The following PCNT variants were observed in gnomAD, a reference collection of about 807,000 sequenced individuals.
PCNT encodes the protein kendrin.
PCNT carries 319 observed loss-of-function variants against 380.4 expected under a neutral mutation model. The observed-to-expected ratio is 0.84, with a 90% confidence interval of 0.77 to 0.92. The LOEUF (loss-of-function observed/expected upper bound fraction) is 0.92. PCNT is among the 40% of genes least tolerant of loss of function. PCNT has a pLI of 0.00. For synonymous variants in PCNT, 1,845 were observed against 1,735.2 expected, an observed-to-expected ratio of 1.06 and a Z score of -1.57; for missense variants, 4,400 against 4,255.3, an observed-to-expected ratio of 1.03 and a Z score of -0.95.
chr21:46,416,689 C>G lies in PCNT; in HGVS notation c.6771C>G (p.Asp2257Glu). The change falls in exon 30 of 47, where the codon GAC (aspartate) becomes GAG (glutamate). Residue 2257 changes from aspartate (D) to glutamate (E), a missense_variant. Physicochemically the swap from Asp to Glu is conservative, Grantham distance 45 (BLOSUM62 2). Coordinates refer to ENST00000359568, the MANE Select transcript of PCNT (RefSeq NM_006031.6). ...GAGCCCTGAGCCTGTGCAGTGCCGA[C>G]ACATCCCTGGGGGACAGGGCGGACA... ...HSGALSLCSA[D>E]TSLGDRADTS... 1.3e-6 allele frequency: 2 copies of G among 1,565,696 alleles called. No homozygotes were observed. The highest frequency in any genetic ancestry group is 1.7e-6 in the Non-Finnish European group (2 of 1,155,832).
chr21:46,381,665 G>C, intron 15 of PCNT, 29 bp from the exon 16 acceptor site: 1 of 1,602,706 alleles, frequency 6.2e-7, no homozygotes, highest in South Asian at 1.1e-5. Context: ...TAGCTTACTG[G>C]TATTTTTTAT....
Position 46,436,038 on chromosome 21 carries a change from C to T in PCNT, c.8886C>T (p.Gly2962=). Residue 2962 remains glycine (G), a synonymous_variant, in exon 39 of 47, where the codon GGC becomes GGT. Transcript: ENST00000359568. ...TAGGTTCTGCCCGCAGGGCTGCCGG[C>T]TCGGATGCGGACCACCTCCGGGAAC... ...LHLGSARRAA[G]SDADHLREQQ... is the part of the protein sequence containing the mutation. 1.2e-6 allele frequency: 2 copies of T among 1,613,916 alleles called. No homozygotes were observed. Among genetic ancestry groups the T allele is most frequent in the African/African-American group, 2.7e-5 (2 of 75,070 alleles).
chr21:46,390,637 C>A (rs752497742), intron 19 of PCNT, 33 bp from the exon 20 acceptor site: 16 of 1,610,924 alleles, frequency 9.9e-6, no homozygotes, highest in Non-Finnish European at 6.8e-6. Context: ...TATTTTTGAT[C>A]TGGAGTTTTG....
chr21:46,410,811 C>T (rs1004747585), intron 27 of PCNT, among the ~76,000 whole-genome samples: 12 of 152,334 alleles, frequency 7.9e-5, no homozygotes, highest in African/African-American at 2.9e-4. Flanking sequence ...TTACTTTCCT[C>T]CTGGAGTCAG....
At chr21:46,362,835 T>G (rs762851759) in intron 13 of PCNT, among the ~76,000 whole-genome samples, 11 of 151,446 alleles carry the variant, frequency 7.3e-5, no homozygotes, top group Non-Finnish European at 1.6e-4. Flanking sequence ...ATTGTGCCCC[T>G]GCACTCCAGC....
chr21:46,412,673 A>G (rs994108902), intron 28 of PCNT, among the ~76,000 whole-genome samples, 164 bp from the exon 29 acceptor site: 9 of 152,156 alleles, frequency 5.9e-5, no homozygotes, highest in African/African-American at 1.7e-4. Context: ...CCCCGTTCCC[A>G]TGTGGCCTGC....
At chr21:46,347,069 TG>T (rs2084096338) in intron 5 of PCNT, 71 bp downstream of exon 5, 5 of 1,542,624 alleles carry the variant, frequency 3.2e-6, no homozygotes, top group Non-Finnish European at 3.5e-6. Flanking sequence ...TGTTCCCTCT[TG>T]GGGTTGGGAG....
intron 31 of PCNT, among the ~76,000 whole-genome samples, chr21:46,421,269 A>C (rs1801328745): frequency 6.6e-6 from 1 of 152,060 alleles, no homozygotes; most frequent in African/African-American, 2.4e-5. Flanking sequence ...AGCTTTGTCC[A>C]CACGGGGGCC....
At position 46,349,092 on chromosome 21, in the gene PCNT, A is replaced by G. The variant is rs2084177271; in HGVS notation, c.1113A>G (p.Ser371=). Residue 371 remains serine (S), a synonymous_variant, in exon 7 of 47, where the codon TCA becomes TCG. Transcript: ENST00000359568. ...LRKELSAKHQ[S]EMEDLQNQFQ... is the part of the protein sequence containing the mutation. ...AAGAACTGTCTGCAAAGCATCAATC[A>G]GAAATGGAGGATTTACAAAACCAGT... 1 of 1,609,472 alleles carries G rather than the reference A, an allele frequency of 6.2e-7. No individual in the cohort carries two copies. The highest frequency in any genetic ancestry group is 8.5e-7 in the Non-Finnish European group (1 of 1,175,726).
chr21:46,441,206 A>G (rs190605981), intron 43 of PCNT, 122 bp downstream of exon 43: 3 of 724,556 alleles, frequency 4.1e-6, no homozygotes, highest in Non-Finnish European at 7.5e-6. Flanking sequence ...TTTAAAGATG[A>G]ATGGCATTTG....
chr21:46,372,090 C>G (rs2085159762), intron 15 of PCNT, among the ~76,000 whole-genome samples: 1 of 151,048 alleles, frequency 6.6e-6, no homozygotes, highest in Admixed American at 6.6e-5. Context: ...CATGCGCACA[C>G]ATAGCACATG....
chr21:46,348,668 G>A (rs532100776), intron 6 of PCNT, among the ~76,000 whole-genome samples: 5 of 152,306 alleles, frequency 3.3e-5, no homozygotes, highest in African/African-American at 4.8e-5. Flanking sequence ...AGGCTGGAGT[G>A]CAGTGGCACA....
rs760273140 is a variant in PCNT, at chr21:46,374,849, CAA to C, written c.3166-6824_3166-6823del. On this transcript the variant is annotated intron_variant, in intron 15 of 46. Coordinates refer to ENST00000359568, the MANE Select transcript of PCNT (RefSeq NM_006031.6). ...GGGCAACAAGAGCAAAACTTCGTCT[CAA>C]AAAAAAAAAAAAAAAAAAAAGTTAC... Among the ~76,000 whole-genome samples, 122 of 85,534 alleles carry C rather than the reference CAA, an allele frequency of 1.4e-3. 1 individual carries two copies. Among genetic ancestry groups the C allele is most frequent in the African/African-American group, 4.7e-3 (100 of 21,112 alleles). 56.1% of individuals were successfully genotyped at this position (85,534 alleles called of 152,430 possible).
chr21:46,343,571 T>A (rs1219445476), intron 3 of PCNT, among the ~76,000 whole-genome samples: 1 of 152,218 alleles, frequency 6.6e-6, no homozygotes, highest in Non-Finnish European at 1.5e-5. Flanking sequence ...GATATTGGTC[T>A]GTAGTTTTCT....
rs753903738 is a variant in PCNT, at chr21:46,357,069, A to G, written c.2032A>G (p.Lys678Glu). ...ARVLGLETEH[K>E]VQLSLLQTEL... ...AGTCTTGGGTCTGGAAACTGAGCAC[A>G]AGGTGCAACTTTCGCTTCTTCAGAC... The change falls in exon 13 of 47, where the codon AAG becomes GAG. Residue 678 changes from lysine (K) to glutamate (E), a missense_variant. By Grantham distance (56) the Lys-to-Glu change is moderately conservative. Transcript: ENST00000359568. 49 of 1,614,180 alleles carry G rather than the reference A, an allele frequency of 3.0e-5. No homozygotes were observed. Among genetic ancestry groups the G allele is most frequent in the Non-Finnish European group, 3.7e-5 (44 of 1,179,990 alleles).
intron 32 of PCNT, among the ~76,000 whole-genome samples, chr21:46,422,405 GGCCTGTGCCTCTCTCCC>G (rs995023163): frequency 8.4e-5 from 12 of 142,100 alleles, no homozygotes; most frequent in African/African-American, 2.7e-4. Flanking sequence ...TCGCAGAGCC[GGCCTGTGCCTCTCTCCC>G]GCCTGTGCCT....
At chr21:46,380,439 C>T (rs2085487487) in intron 15 of PCNT, among the ~76,000 whole-genome samples, 2 of 151,954 alleles carry the variant, frequency 1.3e-5, no homozygotes, top group Admixed American at 1.3e-4. Flanking sequence ...GGATTACAGG[C>T]GTGAGCCACC....
intron 14 of PCNT, among the ~76,000 whole-genome samples, chr21:46,366,062 T>C (rs1458759063): frequency 6.7e-6 from 1 of 150,180 alleles, no homozygotes; most frequent in East Asian, 2.0e-4. Context: ...ACTCACTGCC[T>C]TGGGGTTCTA....
chr21:46,360,692 A>G (rs113772932), intron 13 of PCNT, among the ~76,000 whole-genome samples: 3 of 150,318 alleles, frequency 2.0e-5, no homozygotes, highest in Non-Finnish European at 3.0e-5. Flanking sequence ...CTAATTTTTT[A>G]TATTTTTAGT....
Sources: gnomAD v4.1 joint callset for allele counts (sites outside exome capture counted in the v4.1 genomes callset) on GRCh38, gnomAD v4.1.1 for gene constraint, MANE v1.5 for transcripts, NCBI Gene and HGNC (gene_info 2026-07-23, HGNC 2026-07-21) for gene names.